Variants in SCARA3 observed in about 807,000 individuals in gnomAD.
The protein encoded by SCARA3 is cellular stress response gene protein.
In SCARA3, 39 loss-of-function variants were observed where a neutral mutation model predicts 47.0. That is an observed-to-expected ratio of 0.83 (90% CI 0.64 to 1.08). The LOEUF is 1.08. Among genes scored for constraint, SCARA3 ranks in the 50% least tolerant of loss-of-function variants. The pLI is 0.00. For missense variants in SCARA3, 724 were observed against 792.3 expected (o/e 0.91, Z 1.04); for synonymous variants, 356 against 334.1 (o/e 1.07, Z -0.71).
the SCARA3 span, among the ~76,000 whole-genome samples, chr8:27,696,358 C>T: frequency 6.6e-6 from 1 of 152,118 alleles, no homozygotes; most frequent in East Asian, 1.9e-4. Flanking sequence ...TACAGAGGAA[C>T]ACTGTTATTA....
chr8:27,687,203 T>G, the SCARA3 span, among the ~76,000 whole-genome samples: 2 of 152,134 alleles, frequency 1.3e-5, no homozygotes, highest in Non-Finnish European at 2.9e-5. Context: ...AAGAGGCACT[T>G]TCTCTTCTCT....
At chr8:27,695,560 G>C in the SCARA3 span, among the ~76,000 whole-genome samples, 1 of 152,080 alleles carries the variant, frequency 6.6e-6, no homozygotes, top group Admixed American at 6.6e-5. Flanking sequence ...TTAGGCAATA[G>C]AAACTAATCC....
Position 27,670,942 on chromosome 8 carries a change from T to C in SCARA3, c.1412T>C (p.Met471Thr). The C allele has an allele frequency of 1.3e-6, 2 of 1,583,090 alleles. No homozygotes were observed. The highest frequency in any genetic ancestry group is 1.7e-6 in the Non-Finnish European group (2 of 1,169,598). Reference protein sequence around the residue: ...PPGPRGFKGDMGVKGPVGGRG... With the variant: ...PPGPRGFKGDTGVKGPVGGRG... ...GGACCAAGAGGATTCAAAGGAGATA[T>C]GGGCGTGAAAGGGCCTGTTGGCGGC... The change falls in exon 6 of 6, where the codon ATG becomes ACG. Residue 471 changes from methionine (M) to threonine (T), a missense_variant. By Grantham distance (81) the Met-to-Thr change is moderately conservative. Transcript: ENST00000301904.
chr8:27,726,322 T>C, the SCARA3 span, among the ~76,000 whole-genome samples: 1 of 152,038 alleles, frequency 6.6e-6, no homozygotes, highest in Non-Finnish European at 1.5e-5. Context: ...GGGAGGATTG[T>C]TTGAGCCCAG....
At chr8:27,717,927 G>A in the SCARA3 span, among the ~76,000 whole-genome samples, 2 of 152,104 alleles carry the variant, frequency 1.3e-5, no homozygotes, top group Non-Finnish European at 2.9e-5. Context: ...CTTCCTTGTT[G>A]TTCTCATTTC....
the SCARA3 span, among the ~76,000 whole-genome samples, chr8:27,684,011 C>A: frequency 2.6e-5 from 4 of 152,024 alleles, no homozygotes; most frequent in Non-Finnish European, 5.9e-5. Flanking sequence ...CTCTGTGATG[C>A]TAAAAATAAA....
intron 5 of SCARA3, among the ~76,000 whole-genome samples, chr8:27,664,716 G>A (rs193060041): frequency 5.1e-4 from 76 of 149,412 alleles, no homozygotes; most frequent in African/African-American, 1.7e-3. Flanking sequence ...CTAGTCATGC[G>A]TGGAGTTTTC....
the SCARA3 span, chr8:27,697,499 T>C: frequency 2.0e-5 from 3 of 152,398 alleles, no homozygotes; most frequent in African/African-American, 4.8e-5. Flanking sequence ...AACAGGACTT[T>C]CTTGTCGTGA....
downstream of SCARA3, among the ~76,000 whole-genome samples, chr8:27,676,051 T>C (rs1288753562): frequency 6.6e-6 from 1 of 152,204 alleles, no homozygotes; most frequent in East Asian, 1.9e-4. Context: ...AAGCAAAGTG[T>C]GTTTGCATTT....
downstream of SCARA3, chr8:27,680,027 G>C (rs1441912637): frequency 2.6e-5 from 4 of 152,014 alleles, no homozygotes. Flanking sequence ...AAAATATTTT[G>C]AACTGGATAG....
chr8:27,666,771 G>C (rs1198819104), intron 5 of SCARA3, among the ~76,000 whole-genome samples: 1 of 152,070 alleles, frequency 6.6e-6, no homozygotes, highest in Admixed American at 6.5e-5. Context: ...CCCCTCCCAT[G>C]GGTGGGCAGT....
At chr8:27,707,480 C>A in the SCARA3 span, among the ~76,000 whole-genome samples, 9 of 149,174 alleles carry the variant, frequency 6.0e-5, no homozygotes, top group South Asian at 2.1e-4. Flanking sequence ...ATTAATAAGT[C>A]AAAAAAAAAC....
In SCARA3 at chr8:27,671,105, G is replaced by C. The variant is rs748117382; in HGVS notation, c.1575G>C (p.Lys525Asn). Residue 525 changes from lysine (K) to asparagine (N), a missense_variant, in exon 6 of 6, where the codon AAG (lysine) becomes AAC (asparagine). Lys to Asn is a moderately conservative substitution (Grantham distance 94). Transcript: ENST00000301904. Reference sequence around the variant, plus strand: ...GGTTCCCAGGCCTCAAAGGCTCAAAGGGCAGCTTTGGAACTGGAGGGCCGA... The same window carrying C: ...GGTTCCCAGGCCTCAAAGGCTCAAACGGCAGCTTTGGAACTGGAGGGCCGA... ...PRGFPGLKGS[K>N]GSFGTGGPRG... 1 of 1,601,316 alleles carries C rather than the reference G, an allele frequency of 6.2e-7. No homozygotes were observed. The highest frequency in any genetic ancestry group is 1.1e-5 in the South Asian group (1 of 90,194).
intron 1 of SCARA3, among the ~76,000 whole-genome samples, chr8:27,641,123 C>T (rs1801372626): frequency 6.6e-6 from 1 of 152,202 alleles, no homozygotes; most frequent in East Asian, 1.9e-4. Flanking sequence ...TCATAGCATG[C>T]AGTGATCACC....
the SCARA3 span, among the ~76,000 whole-genome samples, chr8:27,707,848 AC>A: frequency 1.3e-5 from 2 of 151,410 alleles, no homozygotes; most frequent in East Asian, 3.9e-4. Context: ...GAAGAATGGT[AC>A]TGAATGTCTC....
intron 1 of SCARA3, among the ~76,000 whole-genome samples, chr8:27,638,507 C>T (rs1039926999): frequency 6.6e-6 from 1 of 152,120 alleles, no homozygotes; most frequent in Non-Finnish European, 1.5e-5. Flanking sequence ...AGTGGGGTCT[C>T]TGTCTGTTTC....
At position 27,651,540 on chromosome 8, in the gene SCARA3, A is replaced by G; in HGVS notation, c.139A>G (p.Lys47Glu). ...RPGPRCSRCQKNLSLHTSVRI... is the reference protein window; with the variant it reads ...RPGPRCSRCQENLSLHTSVRI... ...AGGGCCCCGCTGCAGCCGCTGCCAG[A>G]AGAACCTATCTTTGCACACATCGGT... The change falls in exon 3 of 6, where the codon AAG becomes GAG. Residue 47 changes from lysine (K) to glutamate (E), a missense_variant. Transcript: ENST00000301904. The G allele has an allele frequency of 1.2e-6, 2 of 1,613,800 alleles. No individual in the cohort carries two copies. The highest frequency in any genetic ancestry group is 1.7e-6 in the Non-Finnish European group (2 of 1,180,020).
intron 4 of SCARA3, 49 bp downstream of exon 4, chr8:27,656,929 CA>C (rs1801756437): frequency 1.6e-6 from 2 of 1,218,646 alleles, no homozygotes; most frequent in Admixed American, 1.7e-5. Context: ...CAGGGTGGGG[CA>C]GGGGTGCCCT....
At chr8:27,699,218 T>G in the SCARA3 span, among the ~76,000 whole-genome samples, 78 of 149,428 alleles carry the variant, frequency 5.2e-4, 1 homozygote, top group Middle Eastern at 3.2e-3. Flanking sequence ...CACTCCAGCC[T>G]GGGTGACAGA....
Sources: gnomAD v4.1 joint callset for allele counts (sites outside exome capture counted in the v4.1 genomes callset) on GRCh38, gnomAD v4.1.1 for gene constraint, MANE v1.5 for transcripts, NCBI Gene and HGNC (gene_info 2026-07-23, HGNC 2026-07-21) for gene names.